KCNIP4: variants seen among roughly 807,000 people sequenced by gnomAD.
KCNIP4 encodes potassium voltage-gated channel interacting protein 4, also known as Kv channel-interacting protein 4.
A neutral mutation model predicts 34.0 loss-of-function variants in KCNIP4; 12 were observed. The observed-to-expected ratio is 0.35, with a 90% CI of 0.23 to 0.57. The LOEUF is 0.57. Among genes scored for constraint, KCNIP4 ranks in the 20% least tolerant of loss-of-function variants. KCNIP4 has a pLI of 0.83. For synonymous variants in KCNIP4, 124 were observed against 102.2 expected (o/e 1.21, Z -1.29); for missense variants, 238 against 311.7 (o/e 0.76, Z 1.78).
intron 1 of KCNIP4, among the ~76,000 whole-genome samples, chr4:20,967,097 G>A (rs1341383469): frequency 6.6e-6 from 1 of 152,118 alleles, no homozygotes; most frequent in East Asian, 1.9e-4. Context: ...AGTCATAAAA[G>A]GACCCTGGGC....
intron 1 of KCNIP4, among the ~76,000 whole-genome samples, chr4:21,817,636 G>A (rs1371431022): frequency 6.6e-6 from 1 of 152,112 alleles, no homozygotes; most frequent in Non-Finnish European, 1.5e-5. Flanking sequence ...GGAAAGGAAT[G>A]CATTCCTTGC....
intron 1 of KCNIP4, among the ~76,000 whole-genome samples, chr4:20,938,872 C>A (rs561528999): frequency 6.6e-6 from 1 of 152,208 alleles, no homozygotes; most frequent in African/African-American, 2.4e-5. Context: ...ACTTCAACCT[C>A]TTTATCCTGA....
chr4:21,895,242 A>G (rs925792005), intron 1 of KCNIP4, among the ~76,000 whole-genome samples: 2 of 152,314 alleles, frequency 1.3e-5, no homozygotes, highest in African/African-American at 2.4e-5. Flanking sequence ...TAGAAAGATG[A>G]GCTTACTTTT....
At chr4:20,891,183 C>T (rs1725876516) in intron 1 of KCNIP4, among the ~76,000 whole-genome samples, 1 of 152,164 alleles carries the variant, frequency 6.6e-6, no homozygotes, top group South Asian at 2.1e-4. Flanking sequence ...TCCCGATCAG[C>T]TTCTATTTTG....
chr4:21,089,976 T>C (rs1320109170), intron 1 of KCNIP4, among the ~76,000 whole-genome samples: 1 of 152,204 alleles, frequency 6.6e-6, no homozygotes, highest in East Asian at 1.9e-4. Flanking sequence ...TTCTTTCCTT[T>C]ATCTGGAATA....
chr4:21,004,085 T>C (rs1738356844), intron 1 of KCNIP4, among the ~76,000 whole-genome samples: 2 of 152,108 alleles, frequency 1.3e-5, no homozygotes, highest in Non-Finnish European at 2.9e-5. Context: ...CATGAATAGA[T>C]TTGTATTTTA....
At chr4:21,527,666 A>C (rs1247821645) in intron 1 of KCNIP4, among the ~76,000 whole-genome samples, 1 of 152,214 alleles carries the variant, frequency 6.6e-6, no homozygotes, top group Non-Finnish European at 1.5e-5. Context: ...CAGACGTAAA[A>C]TTCAATGGAT....
intron 1 of KCNIP4, among the ~76,000 whole-genome samples, chr4:21,390,987 G>GT (rs1486862481): frequency 6.6e-6 from 1 of 152,034 alleles, no homozygotes; most frequent in Admixed American, 6.6e-5. Flanking sequence ...TATTATCATT[G>GT]TTTTTTATTA....
intron 1 of KCNIP4, among the ~76,000 whole-genome samples, chr4:21,532,414 C>T (rs1044809529): frequency 3.9e-5 from 6 of 152,032 alleles, no homozygotes; most frequent in African/African-American, 1.4e-4. Flanking sequence ...TTTTTTATTA[C>T]AACAAAATAC....
At chr4:21,846,883 G>A (rs1724052378) in intron 1 of KCNIP4, 1 of 152,134 alleles carries the variant, frequency 6.6e-6, no homozygotes, top group Non-Finnish European at 1.5e-5. Context: ...AGTAGCCAAG[G>A]AGAACACTGG....
chr4:21,660,452 T>A (rs1020765068), intron 1 of KCNIP4, among the ~76,000 whole-genome samples: 2 of 152,172 alleles, frequency 1.3e-5, no homozygotes, highest in Admixed American at 1.3e-4. Flanking sequence ...ATATAACATA[T>A]TTTTACTTTC....
chr4:20,872,099 C>T (rs1240517289), intron 2 of KCNIP4, among the ~76,000 whole-genome samples: 2 of 152,084 alleles, frequency 1.3e-5, no homozygotes, highest in Non-Finnish European at 2.9e-5. Flanking sequence ...CTAACATCTG[C>T]TCACCTAAAG....
intron 1 of KCNIP4, among the ~76,000 whole-genome samples, chr4:20,931,095 C>T (rs1730418453): frequency 6.6e-6 from 1 of 151,966 alleles, no homozygotes. Flanking sequence ...CTCCCATGCT[C>T]ATTGCATCTA....
At chr4:21,820,992 C>T (rs994520050) in intron 1 of KCNIP4, among the ~76,000 whole-genome samples, 2 of 152,116 alleles carry the variant, frequency 1.3e-5, no homozygotes, top group African/African-American at 4.8e-5. Context: ...GATACTGAAA[C>T]ATATTTTCAG....
At chr4:20,853,853 T>C (rs1283784457) in intron 2 of KCNIP4, among the ~76,000 whole-genome samples, 2 of 152,024 alleles carry the variant, frequency 1.3e-5, no homozygotes, top group East Asian at 1.9e-4. Flanking sequence ...TGGACAATTC[T>C]CAAAAGAAGA....
chr4:21,510,151 T>C (rs1304427619), intron 1 of KCNIP4, among the ~76,000 whole-genome samples: 1 of 151,950 alleles, frequency 6.6e-6, no homozygotes, highest in African/African-American at 2.4e-5. Flanking sequence ...AACTATTTGA[T>C]TTTATTTTCC....
chr4:21,153,157 T>C (rs1752881521), intron 1 of KCNIP4, among the ~76,000 whole-genome samples: 1 of 152,172 alleles, frequency 6.6e-6, no homozygotes, highest in African/African-American at 2.4e-5. Context: ...CTCCTAGTAG[T>C]AGAATTGTTG....
intron 1 of KCNIP4, among the ~76,000 whole-genome samples, chr4:21,012,680 C>A (rs995336675): frequency 1.3e-5 from 2 of 152,246 alleles, no homozygotes; most frequent in South Asian, 2.1e-4. Context: ...AAATGTTCAA[C>A]CAGGATCTGG....
chr4:21,845,268 C>T (rs953286801), intron 1 of KCNIP4: 11 of 152,054 alleles, frequency 7.2e-5, no homozygotes, highest in African/African-American at 2.4e-5. Context: ...ACTCTGCTGG[C>T]ATAGCACAAA....
Sources: allele counts gnomAD v4.1 joint callset (sites outside exome capture counted in the v4.1 genomes callset), GRCh38; gene constraint gnomAD v4.1.1; transcripts MANE v1.5; gene names NCBI Gene and HGNC (gene_info 2026-07-23, HGNC 2026-07-21).